The following LEPR variants were observed in gnomAD, a reference collection of about 807,000 sequenced individuals.
LEPR encodes OB receptor.
LEPR carries 56 observed loss-of-function variants against 114.7 expected under a neutral mutation model. That is an observed-to-expected ratio of 0.49 (90% CI 0.39 to 0.61). The LOEUF (loss-of-function observed/expected upper bound fraction) is 0.61. Among genes scored for constraint, LEPR ranks in the 20% least tolerant of loss-of-function variants. The probability of loss-of-function intolerance (pLI) is 0.00; values close to 1 mark genes in which losing one functional copy is unlikely to be tolerated. For missense variants in LEPR, 1,202 were observed against 1,352.9 expected, an observed-to-expected ratio of 0.89 and a Z score of 1.75; for synonymous variants, 443 against 461.4, an observed-to-expected ratio of 0.96 and a Z score of 0.51.
chr1:65,619,746 C>A (rs573598863), intron 16 of LEPR, among the ~76,000 whole-genome samples, 182 bp from the exon 17 acceptor site: 1 of 152,222 alleles, frequency 6.6e-6, no homozygotes, highest in African/African-American at 2.4e-5. Flanking sequence ...ATTGTCATGA[C>A]TAGATAATTA....
intron 2 of LEPR, among the ~76,000 whole-genome samples, chr1:65,533,172 T>C (rs931743131): frequency 1.3e-5 from 2 of 152,150 alleles, no homozygotes; most frequent in Non-Finnish European, 2.9e-5. Context: ...TGGAAAAAAT[T>C]AGATGAGATT....
chr1:65,569,275 TCATACAAATC>T (rs1369453421), intron 3 of LEPR, among the ~76,000 whole-genome samples: 1 of 152,240 alleles, frequency 6.6e-6, no homozygotes, highest in Admixed American at 6.5e-5. Flanking sequence ...AATTCTCATT[TCATACAAATC>T]CATACAAGAT....
At chr1:65,549,547 C>T (rs1347783196) in intron 2 of LEPR, among the ~76,000 whole-genome samples, 12 of 152,096 alleles carry the variant, frequency 7.9e-5, no homozygotes, top group Admixed American at 7.9e-4. Context: ...TCCCTTCTCG[C>T]TTCATTTCAT....
At chr1:65,479,232 A>G (rs1647190952) in intron 2 of LEPR, among the ~76,000 whole-genome samples, 1 of 151,988 alleles carries the variant, frequency 6.6e-6, no homozygotes, top group Non-Finnish European at 1.5e-5. Context: ...GGAGATAGAA[A>G]TGCACCTAAG....
intron 2 of LEPR, among the ~76,000 whole-genome samples, chr1:65,544,660 A>G (rs1651514239): frequency 6.6e-6 from 1 of 150,376 alleles, no homozygotes; most frequent in African/African-American, 2.5e-5. Flanking sequence ...AGTGTTGAAT[A>G]TTATCGAAGG....
At chr1:65,580,592 A>G (rs1320685614) in intron 5 of LEPR, among the ~76,000 whole-genome samples, 2 of 152,188 alleles carry the variant, frequency 1.3e-5, no homozygotes, top group Non-Finnish European at 2.9e-5. Context: ...TCTTAGATCT[A>G]GGAAGGAAAT....
chr1:65,532,427 C>T (rs919958314), intron 2 of LEPR, among the ~76,000 whole-genome samples: 19 of 152,208 alleles, frequency 1.2e-4, no homozygotes, highest in South Asian at 2.1e-4. Context: ...AAATGCTAAA[C>T]GTAAGTGTTT....
At chr1:65,488,164 CTTT>C (rs1557619895) in intron 2 of LEPR, among the ~76,000 whole-genome samples, 291 of 13,910 alleles carry the variant, frequency 0.021, 3 homozygotes, top group African/African-American at 0.061. Context: ...TCCTTCCTTT[CTTT>C]CTTTCTTTCT....
Position 65,639,285 on chromosome 1 carries a change from AC to A in LEPR, c.*2271del, listed in dbSNP as rs1557711407. On this transcript the variant is annotated 3_prime_UTR_variant, in exon 20 of 20. Transcript: ENST00000349533. ...CAGCCTCAGTTCCCCAGATAAGTGA[AC>A]AAATGAACAAAAATGCACTTCAGAA... The A allele has an allele frequency of 1.3e-5, 2 of 152,232 alleles. No individual in the cohort carries two copies. Among genetic ancestry groups the A allele is most frequent in the Non-Finnish European group, 2.9e-5 (2 of 68,044 alleles). 9.4% of individuals were successfully genotyped at this position (152,232 alleles called of 1,614,324 possible). A position where few individuals can be genotyped will look rare whatever the true frequency, so the allele number is the denominator to read the frequency against.
chr1:65,564,617 A>T (rs1270298580), intron 2 of LEPR, among the ~76,000 whole-genome samples: 1 of 152,170 alleles, frequency 6.6e-6, no homozygotes, highest in Non-Finnish European at 1.5e-5. Context: ...TCTTTGTGGT[A>T]AAGTGTGGTT....
intron 19 of LEPR, among the ~76,000 whole-genome samples, chr1:65,631,257 G>T (rs1658507799): frequency 6.6e-6 from 1 of 152,112 alleles, no homozygotes; most frequent in Admixed American, 6.6e-5. Flanking sequence ...GCTCTTCCAT[G>T]TTCAGCAGAG....
chr1:65,468,969 A>T (rs776840835), intron 2 of LEPR, among the ~76,000 whole-genome samples: 2 of 152,224 alleles, frequency 1.3e-5, no homozygotes, highest in East Asian at 1.9e-4. Flanking sequence ...GTGAACTGAG[A>T]TGCATTTTCT....
At chr1:65,604,794 G>T (rs377756458) in intron 10 of LEPR, among the ~76,000 whole-genome samples, 5 of 152,178 alleles carry the variant, frequency 3.3e-5, no homozygotes, top group African/African-American at 1.2e-4. Flanking sequence ...GAACCCTATT[G>T]TGAACTGGGC....
chr1:65,635,419 A>G, intron 19 of LEPR: 1 of 961,250 alleles, frequency 1.0e-6, no homozygotes, highest in Non-Finnish European at 1.2e-6. Context: ...TATAAAAAAT[A>G]TGATGTACAT....
chr1:65,569,523 A>G (rs1654005552), intron 3 of LEPR, among the ~76,000 whole-genome samples: 1 of 152,128 alleles, frequency 6.6e-6, no homozygotes, highest in Non-Finnish European at 1.5e-5. Flanking sequence ...CCTGGCCAAC[A>G]TGGCAAAACC....
intron 2 of LEPR, among the ~76,000 whole-genome samples, chr1:65,538,453 C>T (rs1039715435): frequency 6.6e-5 from 10 of 151,904 alleles, no homozygotes; most frequent in African/African-American, 1.5e-4. Flanking sequence ...ATGTTTTTGT[C>T]GTTTTTGGTT....
At chr1:65,555,942 T>G (rs1652786338) in intron 2 of LEPR, among the ~76,000 whole-genome samples, 1 of 152,176 alleles carries the variant, frequency 6.6e-6, no homozygotes, top group African/African-American at 2.4e-5. Context: ...ACATTACTCC[T>G]TTTAACTGTC....
chr1:65,617,865 C>G lies in LEPR; in HGVS notation c.2213-99C>G, dbSNP rs543458373. On this transcript the variant is annotated intron_variant, in intron 15 of 19. Coordinates refer to ENST00000349533, the MANE Select transcript of LEPR (RefSeq NM_002303.6). ...TATTTGTGTAAATTGTCTGTCTTCT[C>G]TTCCTTATTCCCTTTAGTAGGTTAT... The G allele has an allele frequency of 2.1e-5, 25 of 1,204,164 alleles. No individual in the cohort carries two copies. In the South Asian group the frequency reaches 3.7e-4, roughly 18 times the overall value. 74.6% of individuals were successfully genotyped at this position (1,204,164 alleles called of 1,614,324 possible).
chr1:65,596,332 C>A (rs2100913038), intron 6 of LEPR, 116 bp from the exon 7 acceptor site: 2 of 1,304,844 alleles, frequency 1.5e-6, no homozygotes, highest in East Asian at 5.0e-5. Flanking sequence ...ATAAAGTCAC[C>A]TTTTAAGTAC....
Sources: gnomAD v4.1 joint callset for allele counts (sites outside exome capture counted in the v4.1 genomes callset) on GRCh38, gnomAD v4.1.1 for gene constraint, MANE v1.5 for transcripts, NCBI Gene and HGNC (gene_info 2026-07-23, HGNC 2026-07-21) for gene names.